COL7A1: variants seen among roughly 807,000 people sequenced by gnomAD.
The protein encoded by COL7A1 is collagen alpha-1(VII) chain.
In COL7A1, 296 loss-of-function variants were observed where a neutral mutation model predicts 456.2. The observed-to-expected ratio is 0.65, with a 90% CI of 0.59 to 0.71. COL7A1 has a LOEUF of 0.71. Ranked by LOEUF, COL7A1 falls within the 30% of genes least tolerant of loss-of-function variation. The pLI, the probability that COL7A1 is intolerant of heterozygous loss-of-function variation, is 0.00. For synonymous variants in COL7A1, 1,464 were observed against 1,525.9 expected (o/e 0.96, Z 0.95); for missense variants, 3,441 against 4,017.2 (o/e 0.86, Z 3.88).
Position 48,564,123 on chromosome 3 carries a change from C to T in COL7A1, c.*283G>A. ...CCCCCCAGAATCAGCACCATGTCAT[C>T]ACAGGCTTGGGTCAAGGGGCGGGTC... On this transcript the variant is annotated 3_prime_UTR_variant, in exon 119 of 119. Coordinates refer to ENST00000681320, the MANE Select transcript of COL7A1 (RefSeq NM_000094.4). The surrounding 1 kb of genome is among the most constrained non-coding windows in gnomAD (Gnocchi z 6.0). The T allele has an allele frequency of 3.7e-6, 2 of 546,970 alleles. No homozygotes were observed. Among genetic ancestry groups the T allele is most frequent in the East Asian group, 3.2e-5 (1 of 31,580 alleles). 33.9% of individuals were successfully genotyped at this position (546,970 alleles called of 1,614,324 possible).
rs186652663 is a variant in COL7A1 at position 48,592,928 on chromosome 3, C to G, written c.693G>C (p.Ser231=). 7 of 1,613,580 alleles carry G rather than the reference C, an allele frequency of 4.3e-6. No individual in the cohort carries two copies. Among genetic ancestry groups the G allele is most frequent in the Middle Eastern group, 1.6e-4 (1 of 6,082 alleles). Residue 231 remains serine (S), a synonymous_variant, in exon 7 of 119, where the codon TCG becomes TCC. Coordinates refer to ENST00000681320, the MANE Select transcript of COL7A1 (RefSeq NM_000094.4). This position sits in a 1 kb window ranked among gnomAD's most constrained non-coding sequence, Gnocchi z 7.6. ...GVPVTRPPDD[S]TSAPRDLVLS... Reference sequence around the variant, plus strand: ...GCACCAGGTCTCGTGGAGCAGAGGTCGAGTCATCCGCTGGGAATGCGGGAT... The same window carrying G: ...GCACCAGGTCTCGTGGAGCAGAGGTGGAGTCATCCGCTGGGAATGCGGGAT...
In COL7A1 at chr3:48,567,232, C is replaced by T. The variant is rs2043648666; in HGVS notation, c.8047-42G>A. ...CATGAGAGACCTTCTGCCCTGACCT[C>T]CCTCAGCTCTGGAACCTCCCTGAAC... On this transcript the variant is annotated intron_variant, in intron 109 of 118. Coordinates refer to ENST00000681320, the MANE Select transcript of COL7A1 (RefSeq NM_000094.4). The surrounding 1 kb of genome is among the most constrained non-coding windows in gnomAD (Gnocchi z 4.3). 1 of 1,610,734 alleles carries T rather than the reference C, an allele frequency of 6.2e-7. No homozygotes were observed. The highest frequency in any genetic ancestry group is 1.1e-5 in the South Asian group (1 of 91,044).
At chr3:48,584,808 A>G (rs1289387589) in intron 34 of COL7A1, 39 bp from the exon 35 acceptor site, 2 of 1,613,800 alleles carry the variant, frequency 1.2e-6, no homozygotes, top group African/African-American at 2.7e-5. Flanking sequence ...GCTTGGGCTC[A>G]GGCGAATGTC....
In COL7A1 at chr3:48,569,592, C is replaced by A. The variant is rs2043783001; in HGVS notation, c.7614G>T (p.Met2538Ile). 1 of 1,613,782 alleles carries A rather than the reference C, an allele frequency of 6.2e-7. No homozygotes were observed. The highest frequency in any genetic ancestry group is 1.7e-4 in the Middle Eastern group (1 of 6,024). Reference sequence around the variant, plus strand: ...CCAGTCCACACGTGGGCCCACTCACCATGTCCCCCTTGGCACCCCGTGGGC... The same window carrying A: ...CCAGTCCACACGTGGGCCCACTCACAATGTCCCCCTTGGCACCCCGTGGGC... ...PPGPRGAKGDMGERGPRGLDG... is the reference protein window; with the variant it reads ...PPGPRGAKGDIGERGPRGLDG... Residue 2538 changes from methionine (M) to isoleucine (I), a missense_variant and splice_region_variant, in exon 102 of 119, where the codon ATG becomes ATT. This residue lies in a region of COL7A1 where 2,084 missense variants were observed against 2,501.3 expected (regional missense o/e 0.83). Transcript: ENST00000681320. This position sits in a 1 kb window ranked among gnomAD's most constrained non-coding sequence, Gnocchi z 4.9.
rs779854839 is a variant in COL7A1, at chr3:48,583,407, C to T, written c.4423G>A (p.Ala1475Thr). Residue 1475 changes from alanine (A) to threonine (T), a missense_variant, in exon 42 of 119, where the codon GCT (alanine) becomes ACT (threonine). By Grantham distance (58) the Ala-to-Thr change is moderately conservative (BLOSUM62 0). Coordinates refer to ENST00000681320, the MANE Select transcript of COL7A1 (RefSeq NM_000094.4). The surrounding 1 kb of genome is among the most constrained non-coding windows in gnomAD (Gnocchi z 5.1). ...CTGGTACTCACTTTGGGGCCAATAG[C>T]TCCAGGAGGTCCCCGTGGGCCCTGG... ...GEQGPRGPPGAIGPKGDRGFP... is the reference protein window; with the variant it reads ...GEQGPRGPPGTIGPKGDRGFP... 3 of 1,614,138 alleles carry T rather than the reference C, an allele frequency of 1.9e-6. No individual in the cohort carries two copies.
In COL7A1 at chr3:48,590,243, CCTCCT is replaced by C. The variant is rs1259398581; in HGVS notation, c.2015_2019del (p.Glu672GlyfsTer66). On this transcript the variant is annotated frameshift_variant, in exon 16 of 119. Transcript: ENST00000681320. LOFTEE classifies it high-confidence loss of function. The surrounding 1 kb of genome is among the most constrained non-coding windows in gnomAD (Gnocchi z 4.6). ...CGAGCCACGATGACTGCAGCAGGGCCCTCCTCTCTGCCTCGCAGTACCGACACAGC... is the reference window on the plus strand; with the variant it reads ...CGAGCCACGATGACTGCAGCAGGGCCCTCTGCCTCGCAGTACCGACACAGC... 1 of 1,613,684 alleles carries C rather than the reference CCTCCT, an allele frequency of 6.2e-7. No homozygotes were observed. The highest frequency in any genetic ancestry group is 1.1e-5 in the South Asian group (1 of 91,076).
rs1052466884 is a variant in COL7A1 at position 48,572,289 on chromosome 3, G to A, written c.6978+91C>T. The A allele has an allele frequency of 9.0e-5, 145 of 1,611,388 alleles. No homozygotes were observed. Among genetic ancestry groups the A allele is most frequent in the Non-Finnish European group, 1.1e-4 (132 of 1,177,624 alleles). On this transcript the variant is annotated intron_variant, in intron 90 of 118. Coordinates refer to ENST00000681320, the MANE Select transcript of COL7A1 (RefSeq NM_000094.4). This position sits in a 1 kb window ranked among gnomAD's most constrained non-coding sequence, Gnocchi z 4.6. Reference sequence around the variant, plus strand: ...CTACTATGAAAGCTGAGGGTCATGAGGGTGGGTAAACTATGGGTCGAAGGT... The same window carrying A: ...CTACTATGAAAGCTGAGGGTCATGAAGGTGGGTAAACTATGGGTCGAAGGT...
rs1308601458 is a variant in COL7A1, at chr3:48,584,782, C to T, written c.4012-13G>A. ...GTCCTCGCTCTCCCTGAGGACGAAA[C>T]AGAGCAGAGGGTGGTGCTTGGGCTC... is the stretch of plus-strand genomic sequence containing the variant. On this transcript the variant is annotated splice_polypyrimidine_tract_variant and intron_variant, in intron 34 of 118. Transcript: ENST00000681320. The T allele has an allele frequency of 6.2e-7, 1 of 1,613,916 alleles. No individual in the cohort carries two copies. Among genetic ancestry groups the T allele is most frequent in the Non-Finnish European group, 8.5e-7 (1 of 1,180,024 alleles).
chr3:48,595,101 C>G lies in COL7A1; in HGVS notation c.59G>C (p.Arg20Pro), dbSNP rs755340663. The part of the protein sequence containing the change: ...LCAGILAEAP[R>P]VRAQHRERVT... ...TCTCTCCCTGTGCTGGGCTCGCACTCGGGGCGCCTCTGCCAGGATCCCGGC... is the reference window on the plus strand; with the variant it reads ...TCTCTCCCTGTGCTGGGCTCGCACTGGGGGCGCCTCTGCCAGGATCCCGGC... Residue 20 changes from arginine (R) to proline (P), a missense_variant, in exon 2 of 119, where the codon CGA becomes CCA. Coordinates refer to ENST00000681320, the MANE Select transcript of COL7A1 (RefSeq NM_000094.4). The G allele has an allele frequency of 1.3e-4, 207 of 1,553,098 alleles. 1 individual carries two copies. The highest frequency in any genetic ancestry group is 2.7e-5 in the Non-Finnish European group (31 of 1,148,634).
Position 48,565,054 on chromosome 3 carries a change from G to A in COL7A1, c.8620+55C>T. On this transcript the variant is annotated intron_variant, in intron 117 of 118. Transcript: ENST00000681320. The surrounding 1 kb of genome is among the most constrained non-coding windows in gnomAD (Gnocchi z 4.5). ...TTGAAAGGTCAGGGGGAGGTCAGCA[G>A]GGCTCAGCCCTGCCTGCCCCTCCCC... 6.2e-7 allele frequency: 1 copy of A among 1,608,694 alleles called. No homozygotes were observed. Among genetic ancestry groups the A allele is most frequent in the Non-Finnish European group, 8.5e-7 (1 of 1,177,362 alleles).
chr3:48,593,812 C>T lies in COL7A1; in HGVS notation c.267-116G>A, dbSNP rs751368176. 12 of 1,268,432 alleles carry T rather than the reference C, an allele frequency of 9.5e-6. No individual in the cohort carries two copies. The highest frequency in any genetic ancestry group is 5.3e-5 in the Admixed American group (3 of 56,808). The allele number at this position is 1,268,432 out of a possible 1,614,324, so 78.6% of individuals were successfully genotyped here. On this transcript the variant is annotated intron_variant, in intron 3 of 118. Coordinates refer to ENST00000681320, the MANE Select transcript of COL7A1 (RefSeq NM_000094.4). This position sits in a 1 kb window ranked among gnomAD's most constrained non-coding sequence, Gnocchi z 4.4. ...ATCAGGCTCTCTTGAGGGGTCCCTT[C>T]GTTCTGTCATTCTCCACACCCACTT...
At position 48,579,317 on chromosome 3, in the gene COL7A1, G is replaced by A; in HGVS notation, c.5308-40C>T. On this transcript the variant is annotated intron_variant, in intron 61 of 118. Transcript: ENST00000681320. The surrounding 1 kb of genome is among the most constrained non-coding windows in gnomAD (Gnocchi z 4.4). ...GTGGTAAGAGGCCACCAAGGCTGAG[G>A]TGGATCTGATAACCCAGGCTCATGT... 1 of 1,614,126 alleles carries A rather than the reference G, an allele frequency of 6.2e-7. No individual in the cohort carries two copies. The highest frequency in any genetic ancestry group is 8.5e-7 in the Non-Finnish European group (1 of 1,180,008).
In COL7A1 at chr3:48,587,870, G is replaced by T; in HGVS notation, c.2780C>A (p.Ala927Glu). ...ACTCAGCCTCACGCGGTACTGTGTCGCTGGCTCCAGCCCGTCCAGGTGATA... is the reference window on the plus strand; with the variant it reads ...ACTCAGCCTCACGCGGTACTGTGTCTCTGGCTCCAGCCCGTCCAGGTGATA... The part of the protein sequence containing the change: ...SSYHLDGLEP[A>E]TQYRVRLSVL... The change falls in exon 22 of 119, where the codon GCG becomes GAG. Residue 927 changes from alanine (A) to glutamate (E), a missense_variant. This residue lies in a region of COL7A1 where 444 missense variants were observed against 427.6 expected (regional missense o/e 1.04). Coordinates refer to ENST00000681320, the MANE Select transcript of COL7A1 (RefSeq NM_000094.4). The surrounding 1 kb of genome is among the most constrained non-coding windows in gnomAD (Gnocchi z 6.1). The T allele has an allele frequency of 6.2e-7, 1 of 1,612,396 alleles. No homozygotes were observed. The highest frequency in any genetic ancestry group is 8.5e-7 in the Non-Finnish European group (1 of 1,179,556).
Position 48,581,684 on chromosome 3 carries a change from C to G in COL7A1, c.4722+22G>C. The G allele has an allele frequency of 6.2e-7, 1 of 1,614,114 alleles. No homozygotes were observed. Among genetic ancestry groups the G allele is most frequent in the Non-Finnish European group, 8.5e-7 (1 of 1,180,022 alleles). On this transcript the variant is annotated intron_variant, in intron 49 of 118. Transcript: ENST00000681320. This position sits in a 1 kb window ranked among gnomAD's most constrained non-coding sequence, Gnocchi z 5.8. ...GAAGACAACCTTCACCAACTGCCCC[C>G]TAAACACTTCGCTTCACTTACCCGT...
chr3:48,594,885 G>T lies in COL7A1; in HGVS notation c.85+190C>A, dbSNP rs928338601. ...GGAGCCAGAATTTGGGTAGGAACAGGATAGGAGGCGGTTTAGGGAACCCAG... is the reference window on the plus strand; with the variant it reads ...GGAGCCAGAATTTGGGTAGGAACAGTATAGGAGGCGGTTTAGGGAACCCAG... On this transcript the variant is annotated intron_variant, in intron 2 of 118. Coordinates refer to ENST00000681320, the MANE Select transcript of COL7A1 (RefSeq NM_000094.4). The surrounding 1 kb of genome is among the most constrained non-coding windows in gnomAD (Gnocchi z 5.5). Among the ~76,000 whole-genome samples, 1 of 152,316 alleles carries T rather than the reference G, an allele frequency of 6.6e-6. No homozygotes were observed. Among genetic ancestry groups the T allele is most frequent in the Non-Finnish European group, 1.5e-5 (1 of 68,012 alleles).
chr3:48,572,259 G>T lies in COL7A1; in HGVS notation c.6979-88C>A. On this transcript the variant is annotated intron_variant, in intron 90 of 118. Coordinates refer to ENST00000681320, the MANE Select transcript of COL7A1 (RefSeq NM_000094.4). This position sits in a 1 kb window ranked among gnomAD's most constrained non-coding sequence, Gnocchi z 4.6. ...AGGCATGGGGCCAGAGCTTAAATAT[G>T]CGGTCTACTATGAAAGCTGAGGGTC... is the stretch of plus-strand genomic sequence containing the variant. 18 of 1,610,492 alleles carry T rather than the reference G, an allele frequency of 1.1e-5. No homozygotes were observed. Among genetic ancestry groups the T allele is most frequent in the Non-Finnish European group, 1.4e-5 (16 of 1,176,764 alleles).
rs2045256565 is a variant in COL7A1, at chr3:48,586,325, T to C, written c.3550+7A>G. On this transcript the variant is annotated splice_region_variant and intron_variant, in intron 27 of 118. Transcript: ENST00000681320. This position sits in a 1 kb window ranked among gnomAD's most constrained non-coding sequence, Gnocchi z 5.1. Reference sequence around the variant, plus strand: ...CCAGACCCCTTCCCCATCAGCCTACTCCTTACCAGAAGCCTGGGCCTCACG... The same window carrying C: ...CCAGACCCCTTCCCCATCAGCCTACCCCTTACCAGAAGCCTGGGCCTCACG... The C allele has an allele frequency of 1.2e-6, 2 of 1,613,852 alleles. No homozygotes were observed. The highest frequency in any genetic ancestry group is 2.2e-5 in the East Asian group (1 of 44,890).
Position 48,575,844 on chromosome 3 carries a change from C to A in COL7A1, c.5856+23G>T, listed in dbSNP as rs2044263456. 3 of 1,614,126 alleles carry A rather than the reference C, an allele frequency of 1.9e-6. No individual in the cohort carries two copies. The East Asian group carries it at 6.7e-5, about 36-fold the overall frequency. On this transcript the variant is annotated intron_variant, in intron 72 of 118. Transcript: ENST00000681320. This position sits in a 1 kb window ranked among gnomAD's most constrained non-coding sequence, Gnocchi z 6.3. The stretch of plus-strand genomic sequence containing the variant: ...CCCCAAGGGCCCCCACTTGTCCCTA[C>A]CCCCAGCCCCTAAACAACCCACCTT...
At chr3:48,589,568 G>A in intron 17 of COL7A1, 31 bp downstream of exon 17, 1 of 1,607,610 alleles carries the variant, frequency 6.2e-7, no homozygotes, top group Non-Finnish European at 8.5e-7. Context: ...ATTCCACCCT[G>A]ACCTGCCCCC....
Sources: gnomAD v4.1 joint callset for allele counts (sites outside exome capture counted in the v4.1 genomes callset) on GRCh38, gnomAD v4.1.1 for gene constraint, gnomAD v4.1.1 regional missense constraint, Gnocchi (gnomAD v3.1) non-coding constraint, MANE v1.5 for transcripts, NCBI Gene and HGNC (gene_info 2026-07-23, HGNC 2026-07-21) for gene names.